Variants in ZNF44 observed in about 807,000 individuals in gnomAD.
ZNF44 encodes the protein gonadotropin inducible transcription repressor-2.
ZNF44 carries 9 observed loss-of-function variants against 11.7 expected under a neutral mutation model. The observed-to-expected ratio is 0.77, with a 90% CI of 0.46 to 1.35. The LOEUF is 1.35. Ranked by LOEUF, ZNF44 falls within the 40% of genes most tolerant of loss-of-function variation. The probability of loss-of-function intolerance (pLI) is 0.00; values close to 1 mark genes in which losing one functional copy is unlikely to be tolerated. For missense variants in ZNF44, 696 were observed against 743.1 expected (o/e 0.94, Z 0.74); for synonymous variants, 224 against 242.7 (o/e 0.92, Z 0.72).
At position 12,272,421 on chromosome 19, in the gene ZNF44, T is replaced by C; in HGVS notation, c.1834A>G (p.Lys612Glu). 1 of 1,550,794 alleles carries C rather than the reference T, an allele frequency of 6.4e-7. No homozygotes were observed. Among genetic ancestry groups the C allele is most frequent in the Middle Eastern group, 1.7e-4 (1 of 5,736 alleles). Residue 612 changes from lysine (K) to glutamate (E), a missense_variant, in exon 4 of 4, where the codon AAG becomes GAG. By Grantham distance (56) the Lys-to-Glu change is moderately conservative. Transcript: ENST00000355684. ...ATTCCATACACTTATAGAATATCCT[T>C]CCAGTGTGTCCTTTTATGTCTATTA... ...SFNRHKRTHW[K>E]DIL is the part of the protein sequence containing the mutation.
chr19:12,273,477 T>C lies in ZNF44; in HGVS notation c.778A>G (p.Lys260Glu), dbSNP rs1324746884. ...EKPYECKQCS[K>E]AFPDYSSYLR... is the part of the protein sequence containing the mutation. ...TATGAACTGTAATCAGGGAAGGCTT[T>C]AGAACACTGCTTACATTCATACGGT... The change falls in exon 4 of 4, where the codon AAA becomes GAA. Residue 260 changes from lysine (K) to glutamate (E), a missense_variant. Transcript: ENST00000355684. 6.2e-7 allele frequency: 1 copy of C among 1,614,040 alleles called. No individual in the cohort carries two copies. Among genetic ancestry groups the C allele is most frequent in the African/African-American group, 1.3e-5 (1 of 74,928 alleles).
At chr19:12,240,428 G>C (rs7248832), upstream of ZNF44, among the ~76,000 whole-genome samples, 23,111 of 136,724 alleles carry the variant, frequency 0.17, 2,101 homozygotes, top group African/African-American at 0.27. Flanking sequence ...CTGGGAGACA[G>C]AGTGAGATTC....
chr19:12,291,354 G>A, intron 1 of ZNF44: 1 of 407,346 alleles, frequency 2.5e-6, no homozygotes, highest in South Asian at 1.8e-5. Context: ...AGCCAAAATG[G>A]AAGAGTTTTC....
At position 12,250,434 on chromosome 19, in the gene ZNF44, G is replaced by A. The variant is rs938859230; in HGVS notation, c.1913-66C>T. 1.1e-5 allele frequency: 13 copies of A among 1,216,236 alleles called. No homozygotes were observed. The African/African-American group carries it at 1.3e-4, about 12-fold the overall frequency. 75.3% of individuals were successfully genotyped at this position (1,216,236 alleles called of 1,614,324 possible). On this transcript the variant is annotated intron_variant and NMD_transcript_variant, in intron 5 of 7. Transcript: ENST00000393337. ...CTGACAGCACTGGACATCTATACTC[G>A]AGTCATAAGATGTTCACGATGATTC...
intron 1 of ZNF44, among the ~76,000 whole-genome samples, chr19:12,280,384 G>A (rs1967426607): frequency 6.6e-6 from 1 of 152,110 alleles, no homozygotes; most frequent in Non-Finnish European, 1.5e-5. Context: ...AGTACTATTT[G>A]AAATTGAAGG....
downstream of ZNF44, among the ~76,000 whole-genome samples, chr19:12,267,500 T>G (rs1917778739): frequency 6.6e-6 from 1 of 152,176 alleles, no homozygotes; most frequent in Non-Finnish European, 1.5e-5. Flanking sequence ...TTAAGCAGTC[T>G]ACACTGCACT....
rs1253377780 is a variant in ZNF44, at chr19:12,260,519, C to T, written c.1913-10151G>A. 1.1e-5 allele frequency: 12 copies of T among 1,125,122 alleles called. No individual in the cohort carries two copies. In the East Asian group the frequency reaches 2.3e-4, roughly 21 times the overall value. The allele number at this position is 1,125,122 out of a possible 1,614,324, so 69.7% of individuals were successfully genotyped here. On this transcript the variant is annotated intron_variant and NMD_transcript_variant, in intron 5 of 7. Transcript: ENST00000393337. The stretch of plus-strand genomic sequence containing the variant: ...TGATGGTGAAGCGGAAGCGGACCCG[C>T]GCCACCAAGAGCTCCTGAGCCCCCT...
At chr19:12,261,623 T>C (rs147168841) in intron 5 of ZNF44, among the ~76,000 whole-genome samples, 49 of 152,310 alleles carry the variant, frequency 3.2e-4, no homozygotes, top group Non-Finnish European at 5.6e-4. Context: ...AGCAAGACCA[T>C]GTCCTCTGTC....
chr19:12,250,146 C>G, intron 6 of ZNF44: 1 of 1,255,352 alleles, frequency 8.0e-7, no homozygotes, highest in East Asian at 5.6e-5. Context: ...AAGAATTTTG[C>G]CTTTTCACAT....
At chr19:12,250,484 T>G in intron 5 of ZNF44, 1 of 948,292 alleles carries the variant, frequency 1.1e-6, no homozygotes, top group Non-Finnish European at 1.4e-6. Flanking sequence ...ATTTATTCTA[T>G]GAATTTGTTG....
intron 5 of ZNF44, chr19:12,250,854 T>C: frequency 2.2e-6 from 1 of 456,090 alleles, no homozygotes; most frequent in South Asian, 1.5e-5. Context: ...GTAACAATAT[T>C]TACCTGACCA....
downstream of ZNF44, chr19:12,247,457 A>G (rs778123311): frequency 1.3e-4 from 179 of 1,334,150 alleles, no homozygotes; most frequent in Non-Finnish European, 1.7e-4. Flanking sequence ...TCTCTCCAGT[A>G]TGAATTCGTT....
downstream of ZNF44, among the ~76,000 whole-genome samples, chr19:12,267,128 T>C (rs1464570334): frequency 6.6e-6 from 1 of 150,490 alleles, no homozygotes; most frequent in Non-Finnish European, 1.5e-5. Flanking sequence ...CACTGCAACC[T>C]CTGCCTCACG....
Position 12,273,197 on chromosome 19 carries a change from C to T in ZNF44, c.1058G>A (p.Arg353Gln), listed in dbSNP as rs750208300. The change falls in exon 4 of 4, where the codon CGA (arginine) becomes CAA (glutamine). Residue 353 changes from arginine to glutamine, a missense_variant. Coordinates refer to ENST00000355684, the MANE Select transcript of ZNF44 (RefSeq NM_016264.4). ...TAGAGTGTGAGTTCCTTCATGAATT[C>T]GTGCTGAACCAGGAAAATCAAAGCC... ...GKGFDFPGSA[R>Q]IHEGTHTLEK... 1.5e-5 allele frequency: 24 copies of T among 1,613,870 alleles called. No homozygotes were observed. The highest frequency in any genetic ancestry group is 4.5e-5 in the East Asian group (2 of 44,874).
intron 5 of ZNF44, among the ~76,000 whole-genome samples, chr19:12,259,161 C>A (rs1348691004): frequency 6.6e-6 from 1 of 152,162 alleles, no homozygotes; most frequent in African/African-American, 2.4e-5. Flanking sequence ...AGGCATGAGC[C>A]ACCGCACCTG....
chr19:12,282,215 G>A (rs1568452785), intron 1 of ZNF44, among the ~76,000 whole-genome samples: 2 of 152,150 alleles, frequency 1.3e-5, no homozygotes, highest in East Asian at 3.9e-4. Context: ...GTTGTCTAAG[G>A]CATGCAGTGT....
At chr19:12,226,734 A>C (rs1478261151) in intron 3 of ZNF44, among the ~76,000 whole-genome samples, 1 of 152,256 alleles carries the variant, frequency 6.6e-6, no homozygotes, top group Non-Finnish European at 1.5e-5. Flanking sequence ...TTTGAAAAGC[A>C]AAACAAAGAA....
chr19:12,271,524 C>T (rs1372350498), downstream of ZNF44, among the ~76,000 whole-genome samples: 2 of 152,172 alleles, frequency 1.3e-5, no homozygotes, highest in Admixed American at 6.5e-5. Flanking sequence ...TGATGCCACA[C>T]ATCTAGTCAC....
In ZNF44 at chr19:12,288,772, ATGTATATATAT is replaced by A. The variant is rs1425147839; in HGVS notation, c.3+5909_3+5919del. ...GACTCCGTCTCAAAAAAAAAAAAAA[ATGTATATATAT>A]ATATATATATATATATATATATGAA... On this transcript the variant is annotated intron_variant, in intron 1 of 3. Transcript: ENST00000355684. Among the ~76,000 whole-genome samples the A allele has an allele frequency of 6.3e-4, 37 of 59,198 alleles. 1 individual carries two copies. Among genetic ancestry groups the A allele is most frequent in the East Asian group, 9.7e-4 (2 of 2,064 alleles). 38.8% of individuals were successfully genotyped at this position (59,198 alleles called of 152,430 possible).
Sources: allele counts gnomAD v4.1 joint callset (sites outside exome capture counted in the v4.1 genomes callset), GRCh38; gene constraint gnomAD v4.1.1; transcripts MANE v1.5; gene names NCBI Gene and HGNC (gene_info 2026-07-23, HGNC 2026-07-21).